Variants in ENTREP2 observed in about 807,000 individuals in gnomAD.
ENTREP2 encodes endosomal transmembrane epsin interactor 2.
At chr15:29,500,912 A>G in the ENTREP2 span, among the ~76,000 whole-genome samples, 3 of 151,964 alleles carry the variant, frequency 2.0e-5, no homozygotes, top group African/African-American at 7.2e-5. Flanking sequence ...AGAATATCAT[A>G]ATTCTAAGAA....
the ENTREP2 span, among the ~76,000 whole-genome samples, chr15:29,394,858 C>T: frequency 2.7e-5 from 4 of 147,312 alleles, no homozygotes; most frequent in African/African-American, 1.0e-4. Flanking sequence ...AAGGTTCATC[C>T]ATATGTAGCA....
chr15:29,280,076 A>T, the ENTREP2 span, among the ~76,000 whole-genome samples: 1 of 152,228 alleles, frequency 6.6e-6, no homozygotes, highest in African/African-American at 2.4e-5. Context: ...CACAGTAAAA[A>T]AAACCCTCAG....
chr15:29,444,200 A>C, the ENTREP2 span, among the ~76,000 whole-genome samples: 386 of 146,262 alleles, frequency 2.6e-3, 12 homozygotes, highest in African/African-American at 9.1e-3. Flanking sequence ...GAAAGAAAGA[A>C]AGAAAGAAAG....
chr15:29,156,860 C>G, the ENTREP2 span, among the ~76,000 whole-genome samples: 1 of 152,042 alleles, frequency 6.6e-6, no homozygotes, highest in African/African-American at 2.4e-5. Context: ...GTGGCTCATG[C>G]GAGGCGGGAG....
the ENTREP2 span, chr15:29,613,464 G>T: frequency 2.3e-6 from 1 of 431,538 alleles, no homozygotes; most frequent in South Asian, 2.0e-5. Flanking sequence ...CTCTGGAATG[G>T]GCACCCTCCT....
At chr15:29,552,383 T>C in the ENTREP2 span, among the ~76,000 whole-genome samples, 2 of 152,052 alleles carry the variant, frequency 1.3e-5, no homozygotes, top group African/African-American at 4.8e-5. Context: ...AAACTAAAAG[T>C]AGACTCTAAA....
chr15:29,457,901 G>A, the ENTREP2 span, among the ~76,000 whole-genome samples: 6 of 152,104 alleles, frequency 3.9e-5, no homozygotes, highest in East Asian at 1.9e-4. Flanking sequence ...GATGAGGCAC[G>A]GCTTCCTCAC....
the ENTREP2 span, among the ~76,000 whole-genome samples, chr15:29,180,713 C>T: frequency 2.0e-5 from 3 of 151,554 alleles, no homozygotes; most frequent in East Asian, 1.9e-4. Flanking sequence ...AAAAAAGTAA[C>T]GGAAAAACCC....
the ENTREP2 span, among the ~76,000 whole-genome samples, chr15:29,299,312 C>A: frequency 1.3e-5 from 2 of 152,190 alleles, no homozygotes; most frequent in African/African-American, 2.4e-5. Flanking sequence ...ATTCTCCAGG[C>A]ACAGTGGAGA....
chr15:29,486,159 T>C, the ENTREP2 span, among the ~76,000 whole-genome samples: 2 of 119,102 alleles, frequency 1.7e-5, no homozygotes, highest in African/African-American at 6.6e-5. Context: ...AATTGATACA[T>C]TGTTAAAGAA....
the ENTREP2 span, among the ~76,000 whole-genome samples, chr15:29,137,697 G>A: frequency 6.6e-5 from 10 of 152,104 alleles, no homozygotes; most frequent in South Asian, 2.1e-4. Flanking sequence ...TTAGCTGGGC[G>A]TAGTGGTGCA....
chr15:29,285,837 GAGATTC>G, the ENTREP2 span, among the ~76,000 whole-genome samples: 1 of 152,224 alleles, frequency 6.6e-6, no homozygotes, highest in South Asian at 2.1e-4. Flanking sequence ...ACAGAATCAA[GAGATTC>G]AGCTTGAGCA....
the ENTREP2 span, among the ~76,000 whole-genome samples, chr15:29,627,923 T>C: frequency 1.8e-4 from 28 of 152,214 alleles, no homozygotes; most frequent in Admixed American, 1.6e-3. Context: ...TTTTCACCTA[T>C]TGTGAATAAT....
chr15:29,150,988 A>G, the ENTREP2 span, among the ~76,000 whole-genome samples: 2 of 152,242 alleles, frequency 1.3e-5, no homozygotes, highest in South Asian at 2.1e-4. Context: ...ACGCGTGCGC[A>G]TAGATATTCC....
At chr15:29,269,754 G>A in the ENTREP2 span, 44 of 1,417,376 alleles carry the variant, frequency 3.1e-5, no homozygotes, top group Non-Finnish European at 3.9e-5. Context: ...AAGCAGCCGC[G>A]GCGGGGATTG....
the ENTREP2 span, among the ~76,000 whole-genome samples, chr15:29,525,678 G>A: frequency 2.0e-5 from 3 of 152,274 alleles, no homozygotes; most frequent in South Asian, 4.1e-4. Context: ...ATAATATTCC[G>A]CAAAAGACAA....
At chr15:29,479,621 TCTTTCTCTCTCCCTCC>T in the ENTREP2 span, among the ~76,000 whole-genome samples, 4 of 131,770 alleles carry the variant, frequency 3.0e-5, no homozygotes, top group East Asian at 2.3e-4. Flanking sequence ...TCCCTCCCTC[TCTTTCTCTCTCCCTCC>T]CTCTCTCTCT....
the ENTREP2 span, among the ~76,000 whole-genome samples, chr15:29,656,527 A>G: frequency 2.0e-5 from 3 of 152,234 alleles, no homozygotes; most frequent in African/African-American, 7.2e-5. Flanking sequence ...GTGCCTGGCC[A>G]GTAAATTTTT....
chr15:29,238,008 A>T, the ENTREP2 span, among the ~76,000 whole-genome samples: 1 of 152,248 alleles, frequency 6.6e-6, no homozygotes, highest in Non-Finnish European at 1.5e-5. Flanking sequence ...ACTATGGAAT[A>T]TTATTCAGAC....
Sources: allele counts gnomAD v4.1 joint callset (sites outside exome capture counted in the v4.1 genomes callset), GRCh38; gene constraint gnomAD v4.1.1; transcripts MANE v1.5; gene names NCBI Gene and HGNC (gene_info 2026-07-23, HGNC 2026-07-21).